The following CSMD1 variants were observed in gnomAD, a reference collection of about 807,000 sequenced individuals.
CSMD1 encodes the protein CUB and Sushi multiple domains 1.
A neutral mutation model predicts 417.5 loss-of-function variants in CSMD1; 213 were observed. The observed-to-expected ratio is 0.51, with a 90% CI of 0.46 to 0.57. The LOEUF (loss-of-function observed/expected upper bound fraction) is 0.57, where lower values mean the gene tolerates loss of function less well. Among genes scored for constraint, CSMD1 ranks in the 20% least tolerant of loss-of-function variants. The probability of loss-of-function intolerance (pLI) is 0.00; values close to 1 mark genes in which losing one functional copy is unlikely to be tolerated. For missense variants in CSMD1, 6,923 were observed against 4,529.7 expected (o/e 1.53, Z -15.17); for synonymous variants, 2,862 against 1,736.8 (o/e 1.65, Z -16.11).
chr8:4,781,495 T>C (rs1238378298), intron 1 of CSMD1, among the ~76,000 whole-genome samples: 1 of 152,214 alleles, frequency 6.6e-6, no homozygotes, highest in Non-Finnish European at 1.5e-5. Context: ...ACACCAGCCT[T>C]TTAGAAAGAG....
intron 1 of CSMD1, among the ~76,000 whole-genome samples, chr8:4,719,041 C>G (rs924983885): frequency 2.0e-5 from 3 of 151,990 alleles, no homozygotes; most frequent in South Asian, 4.2e-4. Context: ...ATTATGTTTT[C>G]ACTGGTGAAG....
chr8:3,043,831 A>G (rs1314649124), intron 50 of CSMD1: 1 of 152,508 alleles, frequency 6.6e-6, no homozygotes, highest in East Asian at 1.9e-4. Flanking sequence ...ATGGACAGGC[A>G]CTACCAAAAA....
At chr8:3,432,444 T>G (rs1438635235) in intron 12 of CSMD1, among the ~76,000 whole-genome samples, 3 of 151,698 alleles carry the variant, frequency 2.0e-5, no homozygotes, top group Non-Finnish European at 2.9e-5. Flanking sequence ...ATAGAAATGA[T>G]AATTTTTAGA....
intron 5 of CSMD1, among the ~76,000 whole-genome samples, chr8:3,862,180 T>A (rs111263818): frequency 6.6e-6 from 1 of 152,204 alleles, no homozygotes; most frequent in Non-Finnish European, 1.5e-5. Flanking sequence ...TACAACATCA[T>A]AGCAGGTTTT....
At chr8:3,319,850 CTTATAT>C (rs535139953) in intron 23 of CSMD1, among the ~76,000 whole-genome samples, 132 of 152,166 alleles carry the variant, frequency 8.7e-4, no homozygotes, top group African/African-American at 1.2e-3. Context: ...CTCAGTAATG[CTTATAT>C]TTATATTTAT....
At chr8:4,333,114 A>G (rs1284697997) in intron 3 of CSMD1, among the ~76,000 whole-genome samples, 1 of 152,106 alleles carries the variant, frequency 6.6e-6, no homozygotes. Flanking sequence ...AAAATTTGAA[A>G]ATAGCAGGTG....
chr8:4,295,631 A>G (rs1435459716), intron 3 of CSMD1, among the ~76,000 whole-genome samples: 1 of 145,334 alleles, frequency 6.9e-6, no homozygotes, highest in Non-Finnish European at 1.5e-5. Context: ...ATATATAAAC[A>G]TATATTCATA....
chr8:3,929,033 GC>G (rs1809952311), intron 5 of CSMD1, among the ~76,000 whole-genome samples: 1 of 150,372 alleles, frequency 6.7e-6, no homozygotes, highest in African/African-American at 2.5e-5. Flanking sequence ...AACTCTCAGG[GC>G]CATCAGCATT....
chr8:3,275,532 T>C (rs953720885), intron 26 of CSMD1, among the ~76,000 whole-genome samples: 4 of 152,370 alleles, frequency 2.6e-5, no homozygotes, highest in East Asian at 1.9e-4. Context: ...GTTTTCCTAC[T>C]TGGTTCCATT....
At chr8:4,655,821 T>C (rs1401969818) in intron 1 of CSMD1, among the ~76,000 whole-genome samples, 1 of 152,106 alleles carries the variant, frequency 6.6e-6, no homozygotes, top group Non-Finnish European at 1.5e-5. Flanking sequence ...CAACAAAATG[T>C]GGATTAGAAT....
chr8:3,420,605 A>G (rs1010416631), intron 12 of CSMD1, among the ~76,000 whole-genome samples: 3 of 152,180 alleles, frequency 2.0e-5, no homozygotes, highest in Non-Finnish European at 4.4e-5. Flanking sequence ...ACTACTTTAA[A>G]ATCAAAAATG....
At chr8:4,720,310 T>C (rs1169670321) in intron 1 of CSMD1, among the ~76,000 whole-genome samples, 2 of 152,182 alleles carry the variant, frequency 1.3e-5, no homozygotes, top group Admixed American at 1.3e-4. Flanking sequence ...AAATTCCTTC[T>C]TCTCAAAATC....
intron 17 of CSMD1, among the ~76,000 whole-genome samples, chr8:3,395,323 C>T (rs776373687): frequency 2.0e-5 from 3 of 152,084 alleles, no homozygotes; most frequent in African/African-American, 4.8e-5. Context: ...TCGCTTTTTC[C>T]GTGCTACTCT....
chr8:4,449,222 A>G (rs1798988547), intron 2 of CSMD1, among the ~76,000 whole-genome samples: 1 of 152,238 alleles, frequency 6.6e-6, no homozygotes, highest in Admixed American at 6.5e-5. Context: ...TTTTCTCAGA[A>G]TAATTACACT....
chr8:3,319,122 G>A (rs150808737), intron 23 of CSMD1, among the ~76,000 whole-genome samples: 1 of 152,150 alleles, frequency 6.6e-6, no homozygotes, highest in East Asian at 1.9e-4. Flanking sequence ...AATAACTGAA[G>A]AAGTAACTTC....
intron 46 of CSMD1, among the ~76,000 whole-genome samples, chr8:3,106,151 T>C (rs1201743370): frequency 6.7e-6 from 1 of 149,124 alleles, no homozygotes; most frequent in African/African-American, 2.5e-5. Flanking sequence ...TCTGGGAAGC[T>C]GAGGCAGGTA....
At chr8:3,112,874 T>G (rs190506097) in intron 42 of CSMD1, 118 of 152,352 alleles carry the variant, frequency 7.7e-4, no homozygotes, top group East Asian at 5.8e-3. Flanking sequence ...TCCCACTGGG[T>G]AGTCCAGAGA....
intron 1 of CSMD1, among the ~76,000 whole-genome samples, chr8:4,683,892 G>A (rs184164406): frequency 1.3e-5 from 2 of 152,252 alleles, no homozygotes; most frequent in Admixed American, 6.5e-5. Context: ...AACTTTATAG[G>A]AAAGGACTAA....
chr8:4,959,381 C>G (rs1274615067), intron 1 of CSMD1, among the ~76,000 whole-genome samples: 1 of 152,228 alleles, frequency 6.6e-6, no homozygotes, highest in Non-Finnish European at 1.5e-5. Flanking sequence ...CAACCAGGCG[C>G]TCTCATTTTT....
Sources: allele counts gnomAD v4.1 joint callset (sites outside exome capture counted in the v4.1 genomes callset), GRCh38; gene constraint gnomAD v4.1.1; transcripts MANE v1.5; gene names NCBI Gene and HGNC (gene_info 2026-07-23, HGNC 2026-07-21).